The following PDE8A variants were observed in gnomAD, a reference collection of about 807,000 sequenced individuals.
PDE8A encodes phosphodiesterase 8A, also known as high affinity cAMP-specific and IBMX-insensitive 3',5'-cyclic phosphodiesterase 8A.
In PDE8A, 59 loss-of-function variants were observed where a neutral mutation model predicts 105.0. The ratio of observed to expected loss-of-function variants is 0.56; its 90% CI spans 0.46 to 0.70. PDE8A has a LOEUF of 0.70. PDE8A is among the 30% of genes least tolerant of loss of function. The pLI is 0.00. For missense variants in PDE8A, 1,014 were observed against 1,045.9 expected (o/e 0.97, Z 0.42); for synonymous variants, 355 against 371.9 (o/e 0.95, Z 0.52).
intron 19 of PDE8A, 46 bp downstream of exon 19, chr15:85,123,239 T>C: frequency 2.5e-6 from 4 of 1,598,214 alleles, no homozygotes; most frequent in Non-Finnish European, 3.4e-6. Flanking sequence ...GGGGTCCTTG[T>C]ACTGTTGTGT....
At chr15:85,051,159 G>T (rs1213713420) in intron 1 of PDE8A, among the ~76,000 whole-genome samples, 1 of 152,138 alleles carries the variant, frequency 6.6e-6, no homozygotes, top group Non-Finnish European at 1.5e-5. Context: ...TTGCCTTTGT[G>T]TCCTGATACT....
At chr15:85,110,114 G>A (rs1003782377) in intron 12 of PDE8A, among the ~76,000 whole-genome samples, 4 of 152,166 alleles carry the variant, frequency 2.6e-5, no homozygotes, top group African/African-American at 9.7e-5. Flanking sequence ...TGGTAAGTAA[G>A]GGTAGGGACT....
At chr15:85,089,196 G>T (rs917779470) in intron 6 of PDE8A, 142 bp from the exon 7 acceptor site, 11 of 595,066 alleles carry the variant, frequency 1.8e-5, no homozygotes, top group African/African-American at 1.7e-4. Flanking sequence ...TTGCAGGGGG[G>T]TGTTTATTTC....
chr15:85,132,491 G>A (rs755776035), intron 20 of PDE8A, among the ~76,000 whole-genome samples: 20 of 152,160 alleles, frequency 1.3e-4, no homozygotes, highest in African/African-American at 4.8e-4. Context: ...TTGAGATGGA[G>A]TTTTTGCTCT....
chr15:84,984,893 G>T (rs34585903), intron 1 of PDE8A, among the ~76,000 whole-genome samples: 17,362 of 151,862 alleles, frequency 0.11, 1,306 homozygotes, highest in Middle Eastern at 0.22. Context: ...ATGCTGAACT[G>T]GTAAATATAA....
At chr15:84,999,414 C>T (rs536381428) in intron 1 of PDE8A, among the ~76,000 whole-genome samples, 10 of 152,240 alleles carry the variant, frequency 6.6e-5, no homozygotes, top group South Asian at 4.1e-4. Context: ...TGAGCCACCG[C>T]GCCTGGCCCA....
chr15:85,038,490 A>G (rs1021435184), intron 1 of PDE8A, among the ~76,000 whole-genome samples: 2 of 152,192 alleles, frequency 1.3e-5, no homozygotes, highest in African/African-American at 4.8e-5. Flanking sequence ...AAATAGAAAA[A>G]TGAAATTGCA....
rs146472845 is a variant in PDE8A at position 85,130,818 on chromosome 15, G to A, written c.2253+4444G>A. 5.7e-3 allele frequency among the ~76,000 whole-genome samples: 864 copies of A among 152,256 alleles called. 7 individuals carry two copies. The highest frequency in any genetic ancestry group is 0.02 in the African/African-American group (831 of 41,548). On this transcript the variant is annotated intron_variant, in intron 20 of 21. Transcript: ENST00000394553. Reference sequence around the variant, plus strand: ...ATGTCCTTCCAGGCTGGAGTGCAGTGGCACAATCTTGGCTCACTGCAACCT... The same window carrying A: ...ATGTCCTTCCAGGCTGGAGTGCAGTAGCACAATCTTGGCTCACTGCAACCT...
chr15:85,067,228 A>G lies in PDE8A; in HGVS notation c.434+24A>G, dbSNP rs1310901408. 8 of 1,564,962 alleles carry G rather than the reference A, an allele frequency of 5.1e-6. No homozygotes were observed. In the African/African-American group the frequency reaches 6.8e-5, roughly 13 times the overall value. On this transcript the variant is annotated intron_variant, in intron 3 of 21. Transcript: ENST00000394553. ...AGGTAAGCCCAAGACTCGGGCCTAAATAGTCCCATTGGCCTTTCTGACAAT... is the reference window on the plus strand; with the variant it reads ...AGGTAAGCCCAAGACTCGGGCCTAAGTAGTCCCATTGGCCTTTCTGACAAT...
intron 2 of PDE8A, among the ~76,000 whole-genome samples, chr15:85,066,394 C>G (rs964968021): frequency 7.2e-5 from 11 of 151,956 alleles, no homozygotes; most frequent in African/African-American, 2.7e-4. Context: ...GACCCCATCT[C>G]TACTGAAAAT....
intron 1 of PDE8A, among the ~76,000 whole-genome samples, chr15:84,996,153 CT>C (rs1056241587): frequency 3.3e-5 from 5 of 150,728 alleles, no homozygotes; most frequent in African/African-American, 1.2e-4. Flanking sequence ...GTATCTTTTT[CT>C]TTTTTTTAGA....
chr15:85,019,005 A>G (rs1165174566), intron 1 of PDE8A, among the ~76,000 whole-genome samples: 1 of 152,116 alleles, frequency 6.6e-6, no homozygotes, highest in Non-Finnish European at 1.5e-5. Context: ...GTCCTTTTTT[A>G]TAGACTCTCC....
chr15:85,026,277 G>A (rs2080514981), intron 1 of PDE8A, among the ~76,000 whole-genome samples: 1 of 152,128 alleles, frequency 6.6e-6, no homozygotes, highest in South Asian at 2.1e-4. Context: ...CATGATGGCT[G>A]GGGGTTGGGA....
chr15:85,118,378 G>C (rs1023050324), intron 17 of PDE8A, among the ~76,000 whole-genome samples: 9 of 152,010 alleles, frequency 5.9e-5, no homozygotes. Context: ...ATCTGACCTT[G>C]CCTCCTGTCA....
chr15:85,019,732 A>G (rs2080389349), intron 1 of PDE8A, among the ~76,000 whole-genome samples: 1 of 151,912 alleles, frequency 6.6e-6, no homozygotes, highest in Admixed American at 6.6e-5. Context: ...GGCACCCACC[A>G]CCACACCTGG....
intron 1 of PDE8A, among the ~76,000 whole-genome samples, chr15:84,999,463 C>G (rs932372421): frequency 6.6e-6 from 1 of 152,148 alleles, no homozygotes; most frequent in Non-Finnish European, 1.5e-5. Context: ...CTCATTCATT[C>G]AGCAAACCTT....
chr15:85,072,532 G>A (rs2081326469), intron 3 of PDE8A, among the ~76,000 whole-genome samples: 1 of 152,182 alleles, frequency 6.6e-6, no homozygotes, highest in Non-Finnish European at 1.5e-5. Context: ...TATACTTAGG[G>A]AAGGAGCATT....
In PDE8A at chr15:84,992,127, A is replaced by G. The variant is rs1047412902; in HGVS notation, c.186+9779A>G. The stretch of plus-strand genomic sequence containing the variant: ...ATGTTAATTTGAGTGCCTAATATAG[A>G]GGCTGTAGGAGGATAACAGGCCCTG... On this transcript the variant is annotated intron_variant, in intron 1 of 21. Transcript: ENST00000394553. Among the ~76,000 whole-genome samples the G allele has an allele frequency of 8.5e-5, 13 of 152,234 alleles. No homozygotes were observed. The South Asian group carries it at 2.7e-3, about 32-fold the overall frequency.
At chr15:85,004,628 A>G (rs1456120953) in intron 1 of PDE8A, among the ~76,000 whole-genome samples, 1 of 152,170 alleles carries the variant, frequency 6.6e-6, no homozygotes, top group East Asian at 1.9e-4. Flanking sequence ...TTGCAACCAC[A>G]AGCATCCTGG....
Sources: gnomAD v4.1 joint callset for allele counts (sites outside exome capture counted in the v4.1 genomes callset) on GRCh38, gnomAD v4.1.1 for gene constraint, MANE v1.5 for transcripts, NCBI Gene and HGNC (gene_info 2026-07-23, HGNC 2026-07-21) for gene names.